TAF1C: variants seen among roughly 807,000 people sequenced by gnomAD.
TAF1C encodes the protein TATA-box binding protein associated factor, RNA polymerase I subunit C.
In TAF1C, 79 loss-of-function variants were observed where a neutral mutation model predicts 70.5. The ratio of observed to expected loss-of-function variants is 1.12; its 90% confidence interval spans 0.93 to 1.35. TAF1C has a LOEUF of 1.35. TAF1C is among the 40% of genes most tolerant of loss of function. TAF1C has a pLI of 0.00. For missense variants in TAF1C, 1,412 were observed against 1,127.8 expected (o/e 1.25, Z -3.61); for synonymous variants, 614 against 491.1 (o/e 1.25, Z -3.31).
In TAF1C at chr16:84,181,881, G is replaced by A; in HGVS notation, c.839-18C>T. On this transcript the variant is annotated intron_variant, in intron 8 of 14. Transcript: ENST00000566732. ...CAGCAGAGCTGAGGAGGGATGGAAA[G>A]GGCCAGGGGTCAGGTAGCAGGTCAG... 1.2e-6 allele frequency: 2 copies of A among 1,614,178 alleles called. No homozygotes were observed. Among genetic ancestry groups the A allele is most frequent in the Non-Finnish European group, 1.7e-6 (2 of 1,180,018 alleles).
chr16:84,185,805 CAGG>C (rs2089449497), intron 1 of TAF1C, among the ~76,000 whole-genome samples: 1 of 152,078 alleles, frequency 6.6e-6, no homozygotes, highest in South Asian at 2.1e-4. Context: ...GAGGCTGAGG[CAGG>C]AGAATTCCTT....
In TAF1C at chr16:84,178,879, A is replaced by T; in HGVS notation, c.*62T>A. 1 of 1,493,938 alleles carries T rather than the reference A, an allele frequency of 6.7e-7. No individual in the cohort carries two copies. Among genetic ancestry groups the T allele is most frequent in the Non-Finnish European group, 8.9e-7 (1 of 1,118,944 alleles). The allele number at this position is 1,493,938 out of a possible 1,614,324, so 92.5% of individuals were successfully genotyped here. On this transcript the variant is annotated 3_prime_UTR_variant, in exon 15 of 15. Transcript: ENST00000566732. ...CTCAAGTTTCAACTGTGGAAGGCACATCTGGTCCCAGAGGAAGGATGAGGG... is the reference window on the plus strand; with the variant it reads ...CTCAAGTTTCAACTGTGGAAGGCACTTCTGGTCCCAGAGGAAGGATGAGGG...
At position 84,179,048 on chromosome 16, in the gene TAF1C, G is replaced by T. The variant is rs1290224460; in HGVS notation, c.2425C>A (p.Pro809Thr). 1 of 1,610,976 alleles carries T rather than the reference G, an allele frequency of 6.2e-7. No homozygotes were observed. ...ACGCTGGAGGCCTGGGAGTGGGGAGGTGTGGTGGCACAGCCTGGGGTGTCC... is the reference window on the plus strand; with the variant it reads ...ACGCTGGAGGCCTGGGAGTGGGGAGTTGTGGTGGCACAGCCTGGGGTGTCC... ...QRDTPGCATTPPHSQASSVRA... is the reference protein window; with the variant it reads ...QRDTPGCATTTPHSQASSVRA... Residue 809 changes from proline (P) to threonine (T), a missense_variant, in exon 15 of 15, where the codon CCT (proline) becomes ACT (threonine). Transcript: ENST00000566732.
chr16:84,183,193 C>T, intron 5 of TAF1C, 44 bp from the exon 6 acceptor site: 1 of 1,613,900 alleles, frequency 6.2e-7, no homozygotes, highest in Non-Finnish European at 8.5e-7. Context: ...CTCGAGTTCA[C>T]CCCTGAAGGA....
intron 1 of TAF1C, 99 bp from the exon 2 acceptor site, chr16:84,185,159 T>A (rs937043649): frequency 1.3e-6 from 1 of 789,110 alleles, no homozygotes; most frequent in Non-Finnish European, 1.9e-6. Flanking sequence ...TAGTGAGAAC[T>A]GTATTAAAGC....
At position 84,183,517 on chromosome 16, in the gene TAF1C, A is replaced by G; in HGVS notation, c.221-10T>C. The G allele has an allele frequency of 6.2e-7, 1 of 1,604,986 alleles. No individual in the cohort carries two copies. The highest frequency in any genetic ancestry group is 8.5e-7 in the Non-Finnish European group (1 of 1,175,486). ...CCAGGGTCCCAGGGATCTGAGAAGG[A>G]GGTTACGGAAAGGGCTGGGGAGGGC... On this transcript the variant is annotated splice_polypyrimidine_tract_variant and intron_variant, in intron 3 of 14. Coordinates refer to ENST00000566732, the MANE Select transcript of TAF1C (RefSeq NM_001243156.2).
chr16:84,179,646 G>A lies in TAF1C; in HGVS notation c.1827C>T (p.Gly609=). 1 of 1,612,574 alleles carries A rather than the reference G, an allele frequency of 6.2e-7. No homozygotes were observed. The highest frequency in any genetic ancestry group is 1.1e-5 in the South Asian group (1 of 91,054). ...GCAGGGCCTTCAGCCACTGGCTGCA[G>A]CCGGCAGTGTCCTGGGAGGTCCAGG... ...TASWTSQDTA[G]CSQWLKALLK... The change falls in exon 15 of 15, where the codon GGC becomes GGT. Residue 609 remains glycine (G), a synonymous_variant. Coordinates refer to ENST00000566732, the MANE Select transcript of TAF1C (RefSeq NM_001243156.2).
Position 84,178,801 on chromosome 16 carries a change from A to T in TAF1C, c.*140T>A, listed in dbSNP as rs2088894110. The stretch of plus-strand genomic sequence containing the variant: ...TGCCCTGTCCCTTCAACTTGGCTCC[A>T]AATTGCTTGGCTCATCATCACAGTG... On this transcript the variant is annotated 3_prime_UTR_variant, in exon 15 of 15. Coordinates refer to ENST00000566732, the MANE Select transcript of TAF1C (RefSeq NM_001243156.2). The T allele has an allele frequency of 1.1e-6, 1 of 914,400 alleles. No homozygotes were observed. The highest frequency in any genetic ancestry group is 1.7e-5 in the African/African-American group (1 of 60,332). The allele number at this position is 914,400 out of a possible 1,614,324, so 56.6% of individuals were successfully genotyped here.
rs779057060 is a variant in TAF1C at position 84,181,578 on chromosome 16, G to A, written c.1028+14C>T. 2.5e-6 allele frequency: 4 copies of A among 1,613,978 alleles called. No individual in the cohort carries two copies. The highest frequency in any genetic ancestry group is 1.1e-5 in the South Asian group (1 of 91,078). Reference sequence around the variant, plus strand: ...GTTCGTTAGGGTGGGGGGTTTCACAGGAAGCGGCGATACCCATCCTCAGGG... The same window carrying A: ...GTTCGTTAGGGTGGGGGGTTTCACAAGAAGCGGCGATACCCATCCTCAGGG... On this transcript the variant is annotated intron_variant, in intron 10 of 14. Coordinates refer to ENST00000566732, the MANE Select transcript of TAF1C (RefSeq NM_001243156.2).
Position 84,183,682 on chromosome 16 carries a change from G to A in TAF1C, c.220+15C>T. 1 of 1,607,500 alleles carries A rather than the reference G, an allele frequency of 6.2e-7. No homozygotes were observed. Among genetic ancestry groups the A allele is most frequent in the South Asian group, 1.1e-5 (1 of 90,462 alleles). On this transcript the variant is annotated intron_variant, in intron 3 of 14. Coordinates refer to ENST00000566732, the MANE Select transcript of TAF1C (RefSeq NM_001243156.2). ...GGAGCAGTGTGGAGTGAGCCCGGGG[G>A]AATGAGACCCTTACCGATGAGGGGA...
rs1369193765 is a variant in TAF1C, at chr16:84,179,687, G to A, written c.1786C>T (p.His596Tyr). ...GAGGTCCAGGAAGCTGTGGGGGCATGGCAGTCAGGTTGGGTGTCGCCAGGA... is the reference window on the plus strand; with the variant it reads ...GAGGTCCAGGAAGCTGTGGGGGCATAGCAGTCAGGTTGGGTGTCGCCAGGA... The part of the protein sequence containing the change: ...GPPGDTQPDC[H>Y]APTASWTSQD... The change falls in exon 15 of 15, where the codon CAT becomes TAT. Residue 596 changes from histidine (H) to tyrosine (Y), a missense_variant. Transcript: ENST00000566732. 1.9e-6 allele frequency: 3 copies of A among 1,612,686 alleles called. No individual in the cohort carries two copies. Among genetic ancestry groups the A allele is most frequent in the Non-Finnish European group, 1.7e-6 (2 of 1,179,944 alleles).
intron 2 of TAF1C, 83 bp from the exon 3 acceptor site, chr16:84,183,861 C>A (rs1387281170): frequency 6.9e-6 from 7 of 1,016,824 alleles, no homozygotes; most frequent in Non-Finnish European, 1.0e-5. Context: ...CATCTCTTAT[C>A]AACTCATCCA....
chr16:84,178,292 A>C lies in TAF1C; in HGVS notation c.*649T>G. 1 of 456,322 alleles carries C rather than the reference A, an allele frequency of 2.2e-6. No individual in the cohort carries two copies. 28.3% of individuals were successfully genotyped at this position (456,322 alleles called of 1,614,324 possible). A position where few individuals can be genotyped will look rare whatever the true frequency, so the allele number is the denominator to read the frequency against. ...ACCCATGTCCCAAGGGAGAAGGAAC[A>C]TCAGCCATCATCTCTCTGCATGAGC... On this transcript the variant is annotated 3_prime_UTR_variant, in exon 15 of 15. Coordinates refer to ENST00000566732, the MANE Select transcript of TAF1C (RefSeq NM_001243156.2).
Position 84,179,325 on chromosome 16 carries a change from C to T in TAF1C, c.2148G>A (p.Glu716=). 3 of 1,600,584 alleles carry T rather than the reference C, an allele frequency of 1.9e-6. No homozygotes were observed. Among genetic ancestry groups the T allele is most frequent in the South Asian group, 2.2e-5 (2 of 90,810 alleles). The change falls in exon 15 of 15, where the codon GAG becomes GAA. Residue 716 remains glutamate, a synonymous_variant. Coordinates refer to ENST00000566732, the MANE Select transcript of TAF1C (RefSeq NM_001243156.2). The part of the protein sequence containing the change: ...WWERQQGRTS[E]PGRQTRRPKR... ...TGGGCCGCCTGGTCTGTCTCCCGGG[C>T]TCCGAGGTCCTGCCCTGCTGCCTCT... is the stretch of plus-strand genomic sequence containing the variant.
Position 84,180,181 on chromosome 16 carries a change from AGCAGCT to A in TAF1C, c.1466_1471del (p.Gln489_Leu490del). On this transcript the variant is annotated inframe_deletion, in exon 13 of 15. Transcript: ENST00000566732. The stretch of plus-strand genomic sequence containing the variant: ...GCCTGGACCCTCACCTGCCAGGTGC[AGCAGCT>A]GCAGCTGCCCACCCTGGCCTCCGAG... The A allele has an allele frequency of 6.5e-7, 1 of 1,548,406 alleles. No homozygotes were observed.
chr16:84,183,720 A>AG lies in TAF1C; in HGVS notation c.196dup (p.Leu66ProfsTer40). 3.7e-6 allele frequency: 6 copies of AG among 1,612,874 alleles called. No homozygotes were observed. The highest frequency in any genetic ancestry group is 5.1e-6 in the Non-Finnish European group (6 of 1,179,300). On this transcript the variant is annotated frameshift_variant, in exon 3 of 15. Transcript: ENST00000566732. LOFTEE classifies it high-confidence loss of function. ...ACCGATGAGGGGAGGCAGCATGGGG[A>AG]GAGGCCCAGGGGTTGCCGGCTCCCA...
rs573336561 is a variant in TAF1C at position 84,178,383 on chromosome 16, T to C, written c.*558A>G. The stretch of plus-strand genomic sequence containing the variant: ...TAAAAAACGTGACCATTCCAATTCA[T>C]CTTCAGCTGCCAAGTGTATTTAGTC... On this transcript the variant is annotated 3_prime_UTR_variant, in exon 15 of 15. Coordinates refer to ENST00000566732, the MANE Select transcript of TAF1C (RefSeq NM_001243156.2). 4 of 457,050 alleles carry C rather than the reference T, an allele frequency of 8.8e-6. No homozygotes were observed. The highest frequency in any genetic ancestry group is 1.3e-5 in the Non-Finnish European group (3 of 227,318). The allele number at this position is 457,050 out of a possible 1,614,324, so 28.3% of individuals were successfully genotyped here. A position where few individuals can be genotyped will look rare whatever the true frequency, so the allele number is the denominator to read the frequency against.
At position 84,183,168 on chromosome 16, in the gene TAF1C, T is replaced by A. The variant is rs755713799; in HGVS notation, c.409-19A>T. 1.2e-6 allele frequency: 2 copies of A among 1,614,038 alleles called. No homozygotes were observed. The highest frequency in any genetic ancestry group is 2.7e-5 in the African/African-American group (2 of 75,010). On this transcript the variant is annotated intron_variant, in intron 5 of 14. Transcript: ENST00000566732. ...TGCGGCTCTGCATGGAAAGGCCTTG[T>A]CAGGCTCACACACCCTCGAGTTCAC... is the stretch of plus-strand genomic sequence containing the variant.
Position 84,182,208 on chromosome 16 carries a change from T to C in TAF1C, c.715A>G (p.Arg239Gly). 6.2e-7 allele frequency: 1 copy of C among 1,608,064 alleles called. No individual in the cohort carries two copies. The highest frequency in any genetic ancestry group is 8.5e-7 in the Non-Finnish European group (1 of 1,176,466). The change falls in exon 7 of 15, where the codon AGG becomes GGG. Residue 239 changes from arginine (R) to glycine (G), a missense_variant. Transcript: ENST00000566732. The surrounding 1 kb of genome is among the most constrained non-coding windows in gnomAD (Gnocchi z 5.0). ...GTCTCGCAAGAAAGGATACGCAGCC[T>C]GTCCTGGGCGCCTCCAGCAGGGTAG... ...LVYPAGGAQDRLHFQEVVLTP... is the reference protein window; with the variant it reads ...LVYPAGGAQDGLHFQEVVLTP...
Sources: allele counts gnomAD v4.1 joint callset (sites outside exome capture counted in the v4.1 genomes callset), GRCh38; gene constraint gnomAD v4.1.1; non-coding constraint Gnocchi (gnomAD v3.1); transcripts MANE v1.5; gene names NCBI Gene and HGNC (gene_info 2026-07-23, HGNC 2026-07-21).